RPS6KB1: variants seen among roughly 807,000 people sequenced by gnomAD.
The protein encoded by RPS6KB1 is ribosomal protein S6 kinase beta-1.
A neutral mutation model predicts 70.2 loss-of-function variants in RPS6KB1; 12 were observed. The ratio of observed to expected loss-of-function variants is 0.17; its 90% confidence interval spans 0.11 to 0.28. RPS6KB1 has a LOEUF of 0.28. Among genes scored for constraint, RPS6KB1 ranks in the 10% least tolerant of loss-of-function variants. The pLI, the probability that RPS6KB1 is intolerant of heterozygous loss-of-function variation, is 1.00. For missense variants in RPS6KB1, 270 were observed against 646.6 expected (o/e 0.42, Z 6.32); for synonymous variants, 175 against 211.2 (o/e 0.83, Z 1.49).
chr17:59,903,487 AAG>A (rs1305378960), intron 1 of RPS6KB1, among the ~76,000 whole-genome samples: 3 of 152,164 alleles, frequency 2.0e-5, no homozygotes, highest in Non-Finnish European at 4.4e-5. Context: ...AAAGAAAAAA[AAG>A]AAAAAAAAGT....
At chr17:59,900,600 A>G (rs915636835) in intron 1 of RPS6KB1, among the ~76,000 whole-genome samples, 5 of 152,146 alleles carry the variant, frequency 3.3e-5, no homozygotes, top group Admixed American at 3.3e-4. Context: ...TCCCAATCTC[A>G]GGTGATCCGC....
intron 1 of RPS6KB1, among the ~76,000 whole-genome samples, chr17:59,905,484 A>T (rs553402064): frequency 3.5e-4 from 52 of 150,100 alleles, no homozygotes; most frequent in African/African-American, 1.2e-3. Context: ...TAAGAATTTT[A>T]TTTTGTTGTT....
Position 59,925,122 on chromosome 17 carries a change from C to T in RPS6KB1, c.382-1313C>T, listed in dbSNP as rs559734848. On this transcript the variant is annotated intron_variant, in intron 4 of 14. Coordinates refer to ENST00000225577, the MANE Select transcript of RPS6KB1 (RefSeq NM_003161.4). ...CTGGGATTACAGGCGTGAGCCACTG[C>T]GCCCGGCTGATTTTTCTTATTTTTA... 3.5e-4 allele frequency among the ~76,000 whole-genome samples: 54 copies of T among 152,250 alleles called. 1 individual carries two copies. In the East Asian group the frequency reaches 9.6e-3, roughly 27 times the overall value.
chr17:59,901,855 G>A (rs547104899), intron 1 of RPS6KB1, among the ~76,000 whole-genome samples: 1 of 150,822 alleles, frequency 6.6e-6, no homozygotes. Flanking sequence ...GTGTCTCTAC[G>A]AAAAATAGAA....
chr17:59,893,426 C>T lies in RPS6KB1; in HGVS notation c.141+101C>T. 2 of 1,249,388 alleles carry T rather than the reference C, an allele frequency of 1.6e-6. No individual in the cohort carries two copies. Among genetic ancestry groups the T allele is most frequent in the Non-Finnish European group, 2.2e-6 (2 of 897,592 alleles). The allele number at this position is 1,249,388 out of a possible 1,614,324, so 77.4% of individuals were successfully genotyped here. A position where few individuals can be genotyped will look rare whatever the true frequency, so the allele number is the denominator to read the frequency against. ...CCTAGAGCGTGGAGACCCAGGGGGG[C>T]TCCTGAGGAGCTGAGGGTCGCGCGG... is the stretch of plus-strand genomic sequence containing the variant. On this transcript the variant is annotated intron_variant, in intron 1 of 14. Transcript: ENST00000225577. This position sits in a 1 kb window ranked among gnomAD's most constrained non-coding sequence, Gnocchi z 4.1.
intron 4 of RPS6KB1, among the ~76,000 whole-genome samples, chr17:59,924,995 A>C (rs760556258): frequency 6.6e-6 from 1 of 150,520 alleles, no homozygotes; most frequent in Non-Finnish European, 1.5e-5. Context: ...TGCCCGACTA[A>C]TTTTTTTTTG....
chr17:59,935,797 A>ATTTTC (rs150614038), intron 10 of RPS6KB1, among the ~76,000 whole-genome samples: 1 of 149,216 alleles, frequency 6.7e-6, no homozygotes, highest in Non-Finnish European at 1.5e-5. Context: ...AGTAAACTAT[A>ATTTTC]TTTTCTTTTC....
chr17:59,946,836 G>A lies in RPS6KB1; in HGVS notation c.*48G>A. 4 of 1,605,792 alleles carry A rather than the reference G, an allele frequency of 2.5e-6. No homozygotes were observed. The highest frequency in any genetic ancestry group is 3.4e-6 in the Non-Finnish European group (4 of 1,174,940). The stretch of plus-strand genomic sequence containing the variant: ...TTAAGGCAAAAAAGGTGGAGAGGGA[G>A]ATGTGTGAGCATCCTGCAAGGTGAA... On this transcript the variant is annotated 3_prime_UTR_variant, in exon 15 of 15. Coordinates refer to ENST00000225577, the MANE Select transcript of RPS6KB1 (RefSeq NM_003161.4). This position sits in a 1 kb window ranked among gnomAD's most constrained non-coding sequence, Gnocchi z 4.2.
intron 1 of RPS6KB1, among the ~76,000 whole-genome samples, chr17:59,905,782 A>G (rs1177493619): frequency 6.6e-6 from 1 of 152,012 alleles, no homozygotes; most frequent in East Asian, 1.9e-4. Context: ...TTGGGATTAC[A>G]GGTGTGAGCC....
Position 59,947,080 on chromosome 17 carries a change from A to G in RPS6KB1, c.*292A>G. 8.0e-7 allele frequency: 1 copy of G among 1,247,756 alleles called. No individual in the cohort carries two copies. The allele number at this position is 1,247,756 out of a possible 1,614,324, so 77.3% of individuals were successfully genotyped here. On this transcript the variant is annotated 3_prime_UTR_variant, in exon 15 of 15. Coordinates refer to ENST00000225577, the MANE Select transcript of RPS6KB1 (RefSeq NM_003161.4). ...TTCATGTTGATGACTCGAAACTGAC[A>G]GTATTAAGGGTAGGATGTTGCTTCT...
chr17:59,910,144 A>G (rs528036103), intron 1 of RPS6KB1, among the ~76,000 whole-genome samples: 310 of 150,096 alleles, frequency 2.1e-3, no homozygotes, highest in African/African-American at 7.3e-3. Flanking sequence ...CTGAGATGGC[A>G]CCGCTGCACT....
chr17:59,911,733 C>T (rs1015940695), intron 2 of RPS6KB1, among the ~76,000 whole-genome samples: 4 of 151,482 alleles, frequency 2.6e-5, no homozygotes, highest in African/African-American at 7.3e-5. Flanking sequence ...TTAATAGAGA[C>T]GGGGTTTCAC....
At chr17:59,924,025 T>C (rs1199733123) in intron 4 of RPS6KB1, among the ~76,000 whole-genome samples, 1 of 152,144 alleles carries the variant, frequency 6.6e-6, no homozygotes, top group African/African-American at 2.4e-5. Context: ...GGGTGTGCAG[T>C]CTAAAATTAC....
intron 3 of RPS6KB1, 82 bp downstream of exon 3, chr17:59,912,886 A>G (rs2042731613): frequency 7.0e-7 from 1 of 1,434,456 alleles, no homozygotes; most frequent in Non-Finnish European, 9.7e-7. Context: ...AGTCATCTTC[A>G]GTCTTTGTCA....
chr17:59,903,309 A>C (rs1210268075), intron 1 of RPS6KB1, among the ~76,000 whole-genome samples: 1 of 148,360 alleles, frequency 6.7e-6, no homozygotes, highest in Non-Finnish European at 1.5e-5. Flanking sequence ...TGTCTCAAAA[A>C]AAAAAAAGAA....
chr17:59,920,891 G>A (rs1475536983), intron 4 of RPS6KB1, among the ~76,000 whole-genome samples: 2 of 152,120 alleles, frequency 1.3e-5, no homozygotes, highest in Non-Finnish European at 2.9e-5. Context: ...TAGAGACAGG[G>A]TTTCACCATG....
Position 59,936,552 on chromosome 17 carries a change from A to G in RPS6KB1, c.1119+11A>G, listed in dbSNP as rs1227014474. 1.9e-6 allele frequency: 3 copies of G among 1,605,780 alleles called. No homozygotes were observed. Among genetic ancestry groups the G allele is most frequent in the African/African-American group, 1.3e-5 (1 of 74,864 alleles). ...TTTAAACCTCTGTTGGTAAGTATAC[A>G]TGAAAGTGTATAATTGGGTGCAGTG... On this transcript the variant is annotated intron_variant, in intron 12 of 14. Coordinates refer to ENST00000225577, the MANE Select transcript of RPS6KB1 (RefSeq NM_003161.4).
At position 59,909,291 on chromosome 17, in the gene RPS6KB1, G is replaced by A. The variant is rs1408019193; in HGVS notation, c.142-1271G>A. Among the ~76,000 whole-genome samples the A allele has an allele frequency of 1.0e-4, 9 of 89,356 alleles. No individual in the cohort carries two copies. In the Middle Eastern group the frequency reaches 0.031, roughly 310 times the overall value. 58.6% of individuals were successfully genotyped at this position (89,356 alleles called of 152,430 possible). A position where few individuals can be genotyped will look rare whatever the true frequency, so the allele number is the denominator to read the frequency against. ...TTTTTTTTTTTTTTTTTTTTGAGAT[G>A]GAGTCTTGCTCTGTTGCCCAGGCTA... On this transcript the variant is annotated intron_variant, in intron 1 of 14. Coordinates refer to ENST00000225577, the MANE Select transcript of RPS6KB1 (RefSeq NM_003161.4).
intron 4 of RPS6KB1, among the ~76,000 whole-genome samples, chr17:59,922,293 G>A (rs1568449445): frequency 1.3e-5 from 2 of 151,778 alleles, no homozygotes; most frequent in Non-Finnish European, 2.9e-5. Context: ...CGCTCTCCTC[G>A]GCCTCCCAAA....
Sources: gnomAD v4.1 joint callset for allele counts (sites outside exome capture counted in the v4.1 genomes callset) on GRCh38, gnomAD v4.1.1 for gene constraint, Gnocchi (gnomAD v3.1) non-coding constraint, MANE v1.5 for transcripts, NCBI Gene and HGNC (gene_info 2026-07-23, HGNC 2026-07-21) for gene names.